GDAP1: variants seen among roughly 807,000 people sequenced by gnomAD.
GDAP1 encodes the protein ganglioside induced differentiation associated protein 1.
A neutral mutation model predicts 40.1 loss-of-function variants in GDAP1; 34 were observed. That is an observed-to-expected ratio of 0.85 (90% CI 0.64 to 1.13). GDAP1 has a LOEUF of 1.13. GDAP1 is among the 50% of genes most tolerant of loss of function. The pLI, the probability that GDAP1 is intolerant of heterozygous loss-of-function variation, is 0.00. For synonymous variants in GDAP1, 170 were observed against 157.4 expected, an observed-to-expected ratio of 1.08 and a Z score of -0.60; for missense variants, 374 against 433.7, an observed-to-expected ratio of 0.86 and a Z score of 1.22.
chr8:74,458,391 TGAA>T (rs1806361629), intron 2 of GDAP1, among the ~76,000 whole-genome samples: 1 of 152,182 alleles, frequency 6.6e-6, no homozygotes. Context: ...ACATGTGAAA[TGAA>T]GACAATGTTT....
intron 4 of GDAP1, among the ~76,000 whole-genome samples, 155 bp from the exon 5 acceptor site, chr8:74,362,784 C>CTTTTTTTTTTTTTTTTT (rs1284434868): frequency 1.7e-5 from 1 of 60,454 alleles, no homozygotes; most frequent in Non-Finnish European, 3.1e-5. Flanking sequence ...CTCTCTCTCT[C>CTTTTTTTTTTTTTTTTT]TTTTTTTTTT....
At chr8:74,467,099 G>C (rs1806479359) in intron 2 of GDAP1, among the ~76,000 whole-genome samples, 1 of 152,184 alleles carries the variant, frequency 6.6e-6, no homozygotes, top group Non-Finnish European at 1.5e-5. Context: ...GATTATCAAA[G>C]TTCTCTTTTT....
chr8:74,365,606 A>G lies in GDAP1; in HGVS notation c.*1239A>G. On this transcript the variant is annotated 3_prime_UTR_variant, in exon 6 of 6. Coordinates refer to ENST00000220822, the MANE Select transcript of GDAP1 (RefSeq NM_018972.4). The stretch of plus-strand genomic sequence containing the variant: ...TAGCAGGCATAGAGATGATGTGCCG[A>G]GGTCCCAGTGAACAACAGTAGCCAA... 2.2e-6 allele frequency: 1 copy of G among 454,502 alleles called. No homozygotes were observed. 28.2% of individuals were successfully genotyped at this position (454,502 alleles called of 1,614,324 possible).
chr8:74,380,493 C>T (rs4551345), intron 2 of GDAP1, among the ~76,000 whole-genome samples: 109,099 of 150,924 alleles, frequency 0.72, 39,898 homozygotes, highest in African/African-American at 0.83. Context: ...ATAGGTTACC[C>T]TACAGAGTCT....
intron 2 of GDAP1, among the ~76,000 whole-genome samples, chr8:74,377,888 G>A (rs1308047815): frequency 1.3e-5 from 2 of 152,210 alleles, no homozygotes; most frequent in African/African-American, 4.8e-5. Context: ...AAGGTACATT[G>A]TGGATGAATG....
chr8:74,396,369 A>ATTG (rs1371686102), intron 2 of GDAP1, among the ~76,000 whole-genome samples: 1 of 150,654 alleles, frequency 6.6e-6, no homozygotes, highest in African/African-American at 2.4e-5. Flanking sequence ...TATTATTATT[A>ATTG]TTATACTTTA....
chr8:74,447,427 G>A (rs991208189), intron 2 of GDAP1, among the ~76,000 whole-genome samples: 1 of 151,954 alleles, frequency 6.6e-6, no homozygotes, highest in Non-Finnish European at 1.5e-5. Context: ...TCCTTAATCC[G>A]GAAAACTGAA....
At chr8:74,473,165 G>C (rs1009243019) in intron 2 of GDAP1, among the ~76,000 whole-genome samples, 1 of 150,412 alleles carries the variant, frequency 6.6e-6, no homozygotes, top group Non-Finnish European at 1.5e-5. Context: ...ATCTAAATTT[G>C]TGTAAGTTCT....
chr8:74,401,737 G>T, intron 2 of GDAP1, among the ~76,000 whole-genome samples: 1 of 149,832 alleles, frequency 6.7e-6, no homozygotes, highest in Non-Finnish European at 1.5e-5. Flanking sequence ...TTTTTGGTGT[G>T]GATGTCCTTT....
intron 2 of GDAP1, among the ~76,000 whole-genome samples, chr8:74,427,452 A>T (rs1805961748): frequency 6.6e-6 from 1 of 152,168 alleles, no homozygotes; most frequent in Non-Finnish European, 1.5e-5. Context: ...AGCTTATGAC[A>T]CATGACTCAA....
At chr8:74,437,646 A>G (rs1806109447) in intron 2 of GDAP1, among the ~76,000 whole-genome samples, 1 of 152,140 alleles carries the variant, frequency 6.6e-6, no homozygotes, top group Non-Finnish European at 1.5e-5. Context: ...AATATATAGT[A>G]TCTTTTTTAT....
chr8:74,466,997 G>C (rs1207552080), intron 2 of GDAP1, among the ~76,000 whole-genome samples: 2 of 152,204 alleles, frequency 1.3e-5, no homozygotes, highest in Non-Finnish European at 2.9e-5. Context: ...CTAGTTAAGG[G>C]CTGGCATTAG....
chr8:74,389,490 G>A (rs1810075869), intron 2 of GDAP1, among the ~76,000 whole-genome samples: 2 of 152,282 alleles, frequency 1.3e-5, no homozygotes, highest in Non-Finnish European at 2.9e-5. Context: ...CTTTAGGAGT[G>A]TTGAATATTG....
At chr8:74,397,134 G>T (rs1810214023) in intron 2 of GDAP1, among the ~76,000 whole-genome samples, 1 of 151,496 alleles carries the variant, frequency 6.6e-6, no homozygotes. Context: ...TCATGTATCT[G>T]TTGGATGCAT....
At position 74,365,086 on chromosome 8, in the gene GDAP1, A is replaced by G. The variant is rs772635866; in HGVS notation, c.*719A>G. On this transcript the variant is annotated 3_prime_UTR_variant, in exon 6 of 6. Transcript: ENST00000220822. ...GTCATGTCCAGTCAGTGGGAGGTAG[A>G]AAGGGTGGCATCTGTAGCCCTCTTC... The G allele has an allele frequency of 5.5e-5, 25 of 453,942 alleles. No individual in the cohort carries two copies. Among genetic ancestry groups the G allele is most frequent in the Middle Eastern group, 6.8e-4 (1 of 1,466 alleles). The allele number at this position is 453,942 out of a possible 1,614,324, so 28.1% of individuals were successfully genotyped here. A position where few individuals can be genotyped will look rare whatever the true frequency, so the allele number is the denominator to read the frequency against.
chr8:74,405,534 A>T (rs1442191359), intron 2 of GDAP1, among the ~76,000 whole-genome samples: 1 of 150,142 alleles, frequency 6.7e-6, no homozygotes, highest in Non-Finnish European at 1.5e-5. Flanking sequence ...GAAGCAAACT[A>T]AAGTTTACTG....
chr8:74,373,524 G>T (rs1809792529), intron 2 of GDAP1, among the ~76,000 whole-genome samples: 1 of 152,164 alleles, frequency 6.6e-6, no homozygotes, highest in Non-Finnish European at 1.5e-5. Flanking sequence ...AAGCAATTGT[G>T]AATGGGAGTT....
chr8:74,487,161 T>C (rs904704431), intron 2 of GDAP1, among the ~76,000 whole-genome samples: 3 of 152,130 alleles, frequency 2.0e-5, no homozygotes, highest in African/African-American at 7.2e-5. Flanking sequence ...TTTATTAATA[T>C]TATATGTGAA....
At chr8:74,357,641 C>T (rs16938891) in intron 2 of GDAP1, among the ~76,000 whole-genome samples, 6,137 of 152,258 alleles carry the variant, frequency 0.04, 405 homozygotes, top group African/African-American at 0.14. Context: ...TCCGGCAAGT[C>T]GGATCTTGTG....
Sources: allele counts gnomAD v4.1 joint callset (sites outside exome capture counted in the v4.1 genomes callset), GRCh38; gene constraint gnomAD v4.1.1; transcripts MANE v1.5; gene names NCBI Gene and HGNC (gene_info 2026-07-23, HGNC 2026-07-21).